ENTREP2: variants seen among roughly 807,000 people sequenced by gnomAD.
ENTREP2 encodes the protein protein ENTREP2.
chr15:29,191,778 G>GT, the ENTREP2 span, among the ~76,000 whole-genome samples: 3 of 152,182 alleles, frequency 2.0e-5, no homozygotes, highest in Non-Finnish European at 4.4e-5. Flanking sequence ...GCTGGGCATG[G>GT]TGGCATATGC....
the ENTREP2 span, among the ~76,000 whole-genome samples, chr15:29,299,502 C>A: frequency 1.3e-5 from 2 of 152,122 alleles, no homozygotes; most frequent in Non-Finnish European, 2.9e-5. Flanking sequence ...CATCACAGAC[C>A]TTACTTGCTC....
the ENTREP2 span, among the ~76,000 whole-genome samples, chr15:29,588,933 T>A: frequency 6.7e-6 from 1 of 149,758 alleles, no homozygotes; most frequent in East Asian, 2.0e-4. Flanking sequence ...GCGGCTGCCA[T>A]GACCCATGAT....
At chr15:29,610,301 G>C in the ENTREP2 span, 1 of 150,574 alleles carries the variant, frequency 6.6e-6, no homozygotes, top group South Asian at 2.1e-4. Context: ...TAAATACTTA[G>C]ATGTCAGCTG....
chr15:29,364,700 T>C, the ENTREP2 span, among the ~76,000 whole-genome samples: 2 of 152,200 alleles, frequency 1.3e-5, no homozygotes, highest in Non-Finnish European at 2.9e-5. Context: ...ACTGAATGTA[T>C]CCTGGTTTGG....
the ENTREP2 span, chr15:29,124,791 A>G: frequency 6.5e-7 from 1 of 1,536,376 alleles, no homozygotes; most frequent in South Asian, 1.2e-5. Flanking sequence ...CAGTGAACAC[A>G]TGAAAGGAAA....
chr15:29,500,040 T>A, the ENTREP2 span, among the ~76,000 whole-genome samples: 1 of 152,116 alleles, frequency 6.6e-6, no homozygotes, highest in South Asian at 2.1e-4. Flanking sequence ...GTCAAGTCAT[T>A]AAGAAAATAC....
chr15:29,234,463 G>A, the ENTREP2 span: 18 of 1,488,286 alleles, frequency 1.2e-5, no homozygotes, highest in Non-Finnish European at 1.6e-5. Flanking sequence ...TAGCTCTTGT[G>A]CCCAGCATTC....
At chr15:29,135,474 C>G in the ENTREP2 span, among the ~76,000 whole-genome samples, 1 of 152,028 alleles carries the variant, frequency 6.6e-6, no homozygotes, top group South Asian at 2.1e-4. This position sits in a 1 kb window ranked among gnomAD's most constrained non-coding sequence, Gnocchi z 7.4. Flanking sequence ...TCCAGATGTC[C>G]CCATCTCTCT....
At chr15:29,512,558 G>A in the ENTREP2 span, among the ~76,000 whole-genome samples, 12 of 152,322 alleles carry the variant, frequency 7.9e-5, no homozygotes, top group African/African-American at 2.9e-4. Context: ...GAAACCATGA[G>A]TGTGGAGGCC....
chr15:29,472,452 CACACACACACACACACACACAT>C, the ENTREP2 span, among the ~76,000 whole-genome samples: 2 of 149,494 alleles, frequency 1.3e-5, no homozygotes, highest in African/African-American at 5.0e-5. Flanking sequence ...CACACACACA[CACACACACACACACACACACAT>C]ATAAATTTGA....
the ENTREP2 span, among the ~76,000 whole-genome samples, chr15:29,404,618 TC>T: frequency 6.6e-6 from 1 of 150,764 alleles, no homozygotes; most frequent in Non-Finnish European, 1.5e-5. Context: ...GCCCATCATC[TC>T]CCCATACCTC....
the ENTREP2 span, among the ~76,000 whole-genome samples, chr15:29,659,087 AT>A: frequency 1.3e-4 from 20 of 151,826 alleles, no homozygotes; most frequent in African/African-American, 3.1e-4. Context: ...AAAATTCCTG[AT>A]TTTTTTTTCC....
At chr15:29,127,393 G>A in the ENTREP2 span, among the ~76,000 whole-genome samples, 1 of 152,130 alleles carries the variant, frequency 6.6e-6, no homozygotes, top group Middle Eastern at 3.2e-3. Flanking sequence ...CTCCAGGCGT[G>A]GGGGCTTTGG....
chr15:29,306,662 T>G, the ENTREP2 span, among the ~76,000 whole-genome samples: 1 of 139,524 alleles, frequency 7.2e-6, no homozygotes, highest in Non-Finnish European at 1.5e-5. Context: ...AAATAATTGG[T>G]AATTTTTTTT....
At chr15:29,379,293 A>C in the ENTREP2 span, among the ~76,000 whole-genome samples, 45 of 152,266 alleles carry the variant, frequency 3.0e-4, no homozygotes, top group Middle Eastern at 3.4e-3. Flanking sequence ...CCCCTCTGTG[A>C]AGCCTGCCAC....
chr15:29,273,434 G>A, the ENTREP2 span, among the ~76,000 whole-genome samples: 1 of 152,094 alleles, frequency 6.6e-6, no homozygotes, highest in African/African-American at 2.4e-5. Flanking sequence ...CTGACCTCAA[G>A]TGATCCATCC....
chr15:29,605,839 G>C, the ENTREP2 span, among the ~76,000 whole-genome samples: 445 of 151,608 alleles, frequency 2.9e-3, no homozygotes, highest in African/African-American at 0.01. Flanking sequence ...CATATCAAAA[G>C]AAAAAAATAA....
chr15:29,590,056 A>G, the ENTREP2 span, among the ~76,000 whole-genome samples: 2 of 152,202 alleles, frequency 1.3e-5, no homozygotes, highest in Non-Finnish European at 2.9e-5. Flanking sequence ...TGCCCTATCC[A>G]ACACAAAAAA....
At chr15:29,581,390 G>T in the ENTREP2 span, among the ~76,000 whole-genome samples, 1 of 152,182 alleles carries the variant, frequency 6.6e-6, no homozygotes, top group East Asian at 1.9e-4. Flanking sequence ...TAGATCAACT[G>T]ATTAGATGAG....
Sources: gnomAD v4.1 joint callset for allele counts (sites outside exome capture counted in the v4.1 genomes callset) on GRCh38, gnomAD v4.1.1 for gene constraint, Gnocchi (gnomAD v3.1) non-coding constraint, MANE v1.5 for transcripts, NCBI Gene and HGNC (gene_info 2026-07-23, HGNC 2026-07-21) for gene names.